RPS6KA3: variants seen among roughly 807,000 people sequenced by gnomAD.
RPS6KA3 encodes ribosomal protein S6 kinase A3.
RPS6KA3 carries 4 observed loss-of-function variants against 67.2 expected under a neutral mutation model. The observed-to-expected ratio is 0.06, with a 90% CI of 0.03 to 0.14. The LOEUF (loss-of-function observed/expected upper bound fraction) is 0.14. RPS6KA3 is among the 10% of genes least tolerant of loss of function. RPS6KA3 has a pLI of 1.00. For missense variants in RPS6KA3, 204 were observed against 559.0 expected, an observed-to-expected ratio of 0.36 and a Z score of 6.40; for synonymous variants, 182 against 183.7, an observed-to-expected ratio of 0.99 and a Z score of 0.07.
intron 2 of RPS6KA3, among the ~76,000 whole-genome samples, chrX:20,232,732 T>C (rs1177494349): frequency 1.8e-5 from 2 of 111,666 alleles, no homozygotes; most frequent in African/African-American, 6.5e-5. Flanking sequence ...TACAGACCAA[T>C]AAGGAGACAA....
intron 3 of RPS6KA3, among the ~76,000 whole-genome samples, chrX:20,205,364 T>G (rs1413859402): frequency 8.9e-6 from 1 of 112,731 alleles, no homozygotes; most frequent in Non-Finnish European, 1.9e-5. Context: ...AAGTTTAGGA[T>G]CAGCTTTCAT....
intron 10 of RPS6KA3, among the ~76,000 whole-genome samples, chrX:20,183,324 C>T (rs777822047): frequency 2.7e-5 from 3 of 110,799 alleles, no homozygotes; most frequent in East Asian, 5.7e-4. Flanking sequence ...TCTCCCACCT[C>T]AGCCTCCCAA....
intron 4 of RPS6KA3, among the ~76,000 whole-genome samples, chrX:20,201,757 G>A (rs890974211): frequency 1.8e-5 from 2 of 110,526 alleles, no homozygotes; most frequent in Middle Eastern, 4.7e-3. Context: ...GCCAGTAGAA[G>A]CCCCTTAGCC....
chrX:20,267,091 G>A, upstream of RPS6KA3: 9 of 754,911 alleles, frequency 1.2e-5, no homozygotes, highest in Non-Finnish European at 1.4e-5. Flanking sequence ...GCGCACCCAG[G>A]GGCTGGGCTA....
intron 1 of RPS6KA3, among the ~76,000 whole-genome samples, chrX:20,244,006 A>G (rs2069619764): frequency 1.8e-5 from 2 of 112,049 alleles, no homozygotes; most frequent in Middle Eastern, 9.2e-3. Context: ...CTTGGAGAAT[A>G]TAACATAAAC....
intron 20 of RPS6KA3, among the ~76,000 whole-genome samples, chrX:20,157,648 G>A (rs1352624157): frequency 9.0e-6 from 1 of 111,359 alleles, no homozygotes; most frequent in Admixed American, 9.7e-5. Context: ...GGGACACAGA[G>A]ATACCTGACT....
At chrX:20,202,483 T>A (rs1328382003) in intron 4 of RPS6KA3, among the ~76,000 whole-genome samples, 1 of 111,812 alleles carries the variant, frequency 8.9e-6, no homozygotes, top group Non-Finnish European at 1.9e-5. Flanking sequence ...AGCATTAGGA[T>A]CTGAGAGAGC....
chrX:20,264,984 T>TA (rs1265005976), intron 1 of RPS6KA3, among the ~76,000 whole-genome samples: 6 of 112,556 alleles, frequency 5.3e-5, no homozygotes, highest in Non-Finnish European at 9.4e-5. Flanking sequence ...ATTTGGCTTT[T>TA]TAATAAAATA....
At chrX:20,197,324 A>C (rs2068300368) in intron 4 of RPS6KA3, among the ~76,000 whole-genome samples, 1 of 112,705 alleles carries the variant, frequency 8.9e-6, no homozygotes, top group African/African-American at 3.2e-5. Context: ...AAGGCTTATC[A>C]CTTAAAAATA....
chrX:20,155,674 C>T (rs1170776823), intron 21 of RPS6KA3, among the ~76,000 whole-genome samples, 154 bp from the exon 22 acceptor site: 1 of 111,932 alleles, frequency 8.9e-6, no homozygotes, highest in Non-Finnish European at 1.9e-5. Flanking sequence ...ACTGACTTAA[C>T]CAAAACTGTA....
At chrX:20,219,788 A>C (rs1410938590) in intron 2 of RPS6KA3, among the ~76,000 whole-genome samples, 2 of 111,999 alleles carry the variant, frequency 1.8e-5, no homozygotes, top group Non-Finnish European at 3.8e-5. Context: ...TATTCAGAAC[A>C]TAATCACTGT....
chrX:20,188,591 A>G, intron 7 of RPS6KA3, 57 bp from the exon 8 acceptor site: 5 of 620,817 alleles, frequency 8.1e-6, no homozygotes, highest in Non-Finnish European at 1.3e-5. Flanking sequence ...ATAGAAGCTA[A>G]GACTGAAATT....
chrX:20,232,194 T>A (rs998566039), intron 2 of RPS6KA3, among the ~76,000 whole-genome samples: 1 of 111,870 alleles, frequency 8.9e-6, no homozygotes. Context: ...GATCAAAATG[T>A]AAAAGGATTA....
intron 10 of RPS6KA3, among the ~76,000 whole-genome samples, chrX:20,180,762 G>C (rs1260420293): frequency 8.9e-6 from 1 of 111,978 alleles, no homozygotes; most frequent in Non-Finnish European, 1.9e-5. Flanking sequence ...CTATATTTGG[G>C]GAGACTCTAG....
chrX:20,202,762 T>TA (rs2013492289), intron 4 of RPS6KA3, among the ~76,000 whole-genome samples: 1 of 112,311 alleles, frequency 8.9e-6, no homozygotes, highest in African/African-American at 3.2e-5. Context: ...GTTAAATACA[T>TA]AAAATCAAAC....
chrX:20,166,152 C>G (rs1245012163), intron 17 of RPS6KA3, among the ~76,000 whole-genome samples: 2 of 112,082 alleles, frequency 1.8e-5, no homozygotes, highest in Non-Finnish European at 3.8e-5. Flanking sequence ...TGGGGGACTA[C>G]TGTACTTTTT....
At chrX:20,163,761 C>T (rs181823696) in intron 18 of RPS6KA3, among the ~76,000 whole-genome samples, 126 of 110,902 alleles carry the variant, frequency 1.1e-3, no homozygotes, top group Middle Eastern at 4.7e-3. Context: ...CTCCGCCTCC[C>T]GGGTTCAAGC....
At chrX:20,241,861 G>A (rs900868368) in intron 1 of RPS6KA3, among the ~76,000 whole-genome samples, 2 of 111,414 alleles carry the variant, frequency 1.8e-5, no homozygotes, top group Non-Finnish European at 3.8e-5. Context: ...CTAGTTTTTC[G>A]TGTTCAAAGC....
chrX:20,218,827 A>C, intron 2 of RPS6KA3: 1 of 1,198,735 alleles, frequency 8.3e-7, no homozygotes, highest in Non-Finnish European at 1.1e-6. Flanking sequence ...GAAAAGACAA[A>C]AATTTAAACA....
Sources: gnomAD v4.1 joint callset for allele counts (sites outside exome capture counted in the v4.1 genomes callset) on GRCh38, gnomAD v4.1.1 for gene constraint, MANE v1.5 for transcripts, NCBI Gene and HGNC (gene_info 2026-07-23, HGNC 2026-07-21) for gene names.